The following TNNI3 variants were observed in gnomAD, a reference collection of about 807,000 sequenced individuals.
TNNI3 encodes troponin I3, cardiac type.
TNNI3 carries 23 observed loss-of-function variants against 31.5 expected under a neutral mutation model. The ratio of observed to expected loss-of-function variants is 0.73; its 90% CI spans 0.52 to 1.03. The LOEUF is 1.03. TNNI3 is among the 50% of genes least tolerant of loss of function. The pLI is 0.00. For synonymous variants in TNNI3, 120 were observed against 111.7 expected (o/e 1.07, Z -0.47); for missense variants, 236 against 282.9 (o/e 0.83, Z 1.19).
Position 55,156,256 on chromosome 19 carries a change from A to T in TNNI3, c.227T>A (p.Leu76Gln). 1 of 1,612,230 alleles carries T rather than the reference A, an allele frequency of 6.2e-7. No individual in the cohort carries two copies. Among genetic ancestry groups the T allele is most frequent in the Non-Finnish European group, 8.5e-7 (1 of 1,179,736 alleles). The change falls in exon 5 of 8, where the codon CTG becomes CAG. Residue 76 changes from leucine to glutamine, a missense_variant. Leu to Gln is a moderately radical substitution (Grantham distance 113, BLOSUM62 -2). Around this residue, in one of 4 missense-constraint regions of TNNI3, gnomAD observed 172 missense variants for 171.8 expected, o/e 1.00. Transcript: ENST00000344887. This position sits in a 1 kb window ranked among gnomAD's most constrained non-coding sequence, Gnocchi z 4.6. ...EERRGEKGRA[L>Q]STRCQPLELA... ...CTCCAGCGGCTGGCAGCGGGTGCTCAGAGCGCGCCCCTTCTCTCCGCGCCG... is the reference window on the plus strand; with the variant it reads ...CTCCAGCGGCTGGCAGCGGGTGCTCTGAGCGCGCCCCTTCTCTCCGCGCCG...
chr19:55,156,943 C>A lies in TNNI3; in HGVS notation c.108+107G>T. Reference sequence around the variant, plus strand: ...TCTGCAAAACTCCGCCCCTGAAGCCCCTCCGCGTAGTCCCCGCCCCCTTCG... The same window carrying A: ...TCTGCAAAACTCCGCCCCTGAAGCCACTCCGCGTAGTCCCCGCCCCCTTCG... On this transcript the variant is annotated intron_variant, in intron 3 of 7. Coordinates refer to ENST00000344887, the MANE Select transcript of TNNI3 (RefSeq NM_000363.5). The surrounding 1 kb of genome is among the most constrained non-coding windows in gnomAD (Gnocchi z 4.6). The A allele has an allele frequency of 7.6e-7, 1 of 1,312,724 alleles. No individual in the cohort carries two copies. 81.3% of individuals were successfully genotyped at this position (1,312,724 alleles called of 1,614,324 possible).
Position 55,157,140 on chromosome 19 carries a change from TAGG to T in TNNI3, c.25-10_25-8del, listed in dbSNP as rs2147286052. ...CAGGGCGAGGTTCCCTAGCCTGGGTTAGGAGGAGTGGGGACCCCATCACCACCA... is the reference window on the plus strand; with the variant it reads ...CAGGGCGAGGTTCCCTAGCCTGGGTTAGGAGTGGGGACCCCATCACCACCA... On this transcript the variant is annotated splice_polypyrimidine_tract_variant and splice_region_variant and intron_variant, in intron 2 of 7. Transcript: ENST00000344887. The surrounding 1 kb of genome is among the most constrained non-coding windows in gnomAD (Gnocchi z 6.3). The T allele has an allele frequency of 3.1e-6, 5 of 1,598,286 alleles. No homozygotes were observed. The highest frequency in any genetic ancestry group is 4.3e-6 in the Non-Finnish European group (5 of 1,174,272).
rs1456025490 is a variant in TNNI3 at position 55,156,984 on chromosome 19, C to G, written c.108+66G>C. ...GCCCCCTTCGCAGCCCTGGCTCCTC[C>G]CCCCACTCCCAGGGTCTTGGATCCC... is the stretch of plus-strand genomic sequence containing the variant. On this transcript the variant is annotated intron_variant, in intron 3 of 7. Transcript: ENST00000344887. The surrounding 1 kb of genome is among the most constrained non-coding windows in gnomAD (Gnocchi z 4.6). The G allele has an allele frequency of 6.6e-6, 10 of 1,511,524 alleles. No homozygotes were observed. Among genetic ancestry groups the G allele is most frequent in the Non-Finnish European group, 6.2e-6 (7 of 1,121,188 alleles). The allele number at this position is 1,511,524 out of a possible 1,614,324, so 93.6% of individuals were successfully genotyped here. A position where few individuals can be genotyped will look rare whatever the true frequency, so the allele number is the denominator to read the frequency against.
rs116624943 is a variant in TNNI3 at position 55,153,395 on chromosome 19, G to A, written c.549+635C>T. On this transcript the variant is annotated intron_variant, in intron 7 of 7. Transcript: ENST00000344887. ...CTATCTTTCCTGTCTTCTTCTTTAA[G>A]ATAGGGTCTCACTGTATTGCCCAGG... 8.0e-3 allele frequency among the ~76,000 whole-genome samples: 1,221 copies of A among 152,106 alleles called. 20 individuals carry two copies. The highest frequency in any genetic ancestry group is 0.028 in the African/African-American group (1,156 of 41,470).
chr19:55,156,959 G>A lies in TNNI3; in HGVS notation c.108+91C>T. ...CCTGAAGCCCCTCCGCGTAGTCCCC[G>A]CCCCCTTCGCAGCCCTGGCTCCTCC... On this transcript the variant is annotated intron_variant, in intron 3 of 7. Coordinates refer to ENST00000344887, the MANE Select transcript of TNNI3 (RefSeq NM_000363.5). This position sits in a 1 kb window ranked among gnomAD's most constrained non-coding sequence, Gnocchi z 4.6. The A allele has an allele frequency of 1.4e-6, 2 of 1,385,798 alleles. No individual in the cohort carries two copies. The allele number at this position is 1,385,798 out of a possible 1,614,324, so 85.8% of individuals were successfully genotyped here.
intron 7 of TNNI3, 44 bp from the exon 8 acceptor site, chr19:55,151,961 C>T (rs773963340): frequency 1.9e-6 from 3 of 1,572,496 alleles, no homozygotes; most frequent in Admixed American, 3.4e-5. Flanking sequence ...TCTTCTTGGT[C>T]TCCAGTCTCT....
In TNNI3 at chr19:55,157,296, C is replaced by T. The variant is rs746763585; in HGVS notation, c.24G>A (p.Ala8=). The change falls in exon 2 of 8, where the codon GCG becomes GCA. Residue 8 remains alanine, a splice_region_variant and synonymous_variant. Coordinates refer to ENST00000344887, the MANE Select transcript of TNNI3 (RefSeq NM_000363.5). The surrounding 1 kb of genome is among the most constrained non-coding windows in gnomAD (Gnocchi z 6.3). ...CCACGCCTTAGCCCGCTGCTCTCAC[C>T]GCATCGCTGCTCCTGGAAGGAGAGA... MADGSSD[A]AREPRPAPAP... The T allele has an allele frequency of 1.2e-6, 2 of 1,612,918 alleles. No homozygotes were observed. Among genetic ancestry groups the T allele is most frequent in the East Asian group, 2.2e-5 (1 of 44,832 alleles).
At position 55,156,281 on chromosome 19, in the gene TNNI3, G is replaced by T. The variant is rs772695512; in HGVS notation, c.202C>A (p.Arg68=). 7.4e-6 allele frequency: 12 copies of T among 1,611,084 alleles called. No individual in the cohort carries two copies. The South Asian group carries it at 1.2e-4, about 16-fold the overall frequency. ...KQELEREAEE[R]RGEKGRALST... ...AGAGCGCGCCCCTTCTCTCCGCGCC[G>T]CTCCTCCGCCTCTCGCTCCAGCTCT... is the stretch of plus-strand genomic sequence containing the variant. The change falls in exon 5 of 8, where the codon CGG becomes AGG. Residue 68 remains arginine, a synonymous_variant. Transcript: ENST00000344887. This position sits in a 1 kb window ranked among gnomAD's most constrained non-coding sequence, Gnocchi z 4.6.
rs111715315 is a variant in TNNI3, at chr19:55,152,127, C to T, written c.550-210G>A. Among the ~76,000 whole-genome samples, 2 of 152,172 alleles carry T rather than the reference C, an allele frequency of 1.3e-5. No homozygotes were observed. The highest frequency in any genetic ancestry group is 2.1e-4 in the South Asian group (1 of 4,816). ...TCATGCACTTCCTGTCCCCCTCATG[C>T]ACTTCCTGTCTTTCCCCAGCACTTC... On this transcript the variant is annotated intron_variant, in intron 7 of 7. Transcript: ENST00000344887. This position sits in a 1 kb window ranked among gnomAD's most constrained non-coding sequence, Gnocchi z 4.0.
At position 55,154,815 on chromosome 19, in the gene TNNI3, G is replaced by C. The variant is rs773216333; in HGVS notation, c.298C>G (p.Leu100Val). 1.9e-6 allele frequency: 3 copies of C among 1,614,200 alleles called. No homozygotes were observed. In the East Asian group the frequency reaches 6.7e-5, roughly 36 times the overall value. Residue 100 changes from leucine to valine, a missense_variant, in exon 6 of 8, where the codon CTC (leucine) becomes GTC (valine). Physicochemically the swap from Leu to Val is conservative, Grantham distance 32. This residue lies in a region of TNNI3 where 172 missense variants were observed against 171.8 expected (regional missense o/e 1.00). Coordinates refer to ENST00000344887, the MANE Select transcript of TNNI3 (RefSeq NM_000363.5). ...TCCACCTTGTCCACACGGGCGTGGA[G>C]CTGTCGGCACAAGTCCTGGAGGAGG... ...FAELQDLCRQ[L>V]HARVDKVDEE...
At position 55,156,494 on chromosome 19, in the gene TNNI3, G is replaced by A. The variant is rs2085731020; in HGVS notation, c.150+109C>T. ...ACTCCCCGCTAAAGCCACGCCCCGA[G>A]CGGCCAAACCCCGCCCACTTCCGCC... is the stretch of plus-strand genomic sequence containing the variant. On this transcript the variant is annotated intron_variant, in intron 4 of 7. Coordinates refer to ENST00000344887, the MANE Select transcript of TNNI3 (RefSeq NM_000363.5). The surrounding 1 kb of genome is among the most constrained non-coding windows in gnomAD (Gnocchi z 4.6). The A allele has an allele frequency of 4.6e-6, 7 of 1,508,398 alleles. No individual in the cohort carries two copies. Among genetic ancestry groups the A allele is most frequent in the Admixed American group, 2.0e-5 (1 of 50,430 alleles). The allele number at this position is 1,508,398 out of a possible 1,614,324, so 93.4% of individuals were successfully genotyped here. A position where few individuals can be genotyped will look rare whatever the true frequency, so the allele number is the denominator to read the frequency against.
Position 55,156,401 on chromosome 19 carries a change from G to A in TNNI3, c.151-69C>T, listed in dbSNP as rs1367934034. 1.9e-6 allele frequency: 3 copies of A among 1,559,498 alleles called. No homozygotes were observed. In the Admixed American group the frequency reaches 5.5e-5, roughly 29 times the overall value. Reference sequence around the variant, plus strand: ...GGATAAAGACCAGGCGTGGGGAACCGCCTCTGCCCTTCTAAACCCTCCAGT... The same window carrying A: ...GGATAAAGACCAGGCGTGGGGAACCACCTCTGCCCTTCTAAACCCTCCAGT... On this transcript the variant is annotated intron_variant, in intron 4 of 7. Coordinates refer to ENST00000344887, the MANE Select transcript of TNNI3 (RefSeq NM_000363.5). This position sits in a 1 kb window ranked among gnomAD's most constrained non-coding sequence, Gnocchi z 4.6.
Position 55,156,063 on chromosome 19 carries a change from G to C in TNNI3, c.282+138C>G, listed in dbSNP as rs548832905. On this transcript the variant is annotated intron_variant, in intron 5 of 7. Transcript: ENST00000344887. The surrounding 1 kb of genome is among the most constrained non-coding windows in gnomAD (Gnocchi z 4.6). ...CAGACCTGCACACAAAGGGTGTTAG[G>C]GGCCAGGAGTCCCACGAACCATATA... 10 of 1,313,788 alleles carry C rather than the reference G, an allele frequency of 7.6e-6. No individual in the cohort carries two copies. The highest frequency in any genetic ancestry group is 1.1e-5 in the Non-Finnish European group (10 of 924,884). The allele number at this position is 1,313,788 out of a possible 1,614,324, so 81.4% of individuals were successfully genotyped here.
intron 6 of TNNI3, chr19:55,154,468 G>A (rs1425486254): frequency 8.0e-5 from 50 of 621,176 alleles, no homozygotes; most frequent in Non-Finnish European, 2.9e-5. Flanking sequence ...GCCAGTGCCT[G>A]AGCTAATTTA....
chr19:55,156,390 C>T lies in TNNI3; in HGVS notation c.151-58G>A, dbSNP rs749828276. 7 of 1,571,718 alleles carry T rather than the reference C, an allele frequency of 4.5e-6. No homozygotes were observed. The Admixed American group carries it at 8.9e-5, about 20-fold the overall frequency. ...CCGGGGCTTCAGGATAAAGACCAGG[C>T]GTGGGGAACCGCCTCTGCCCTTCTA... On this transcript the variant is annotated intron_variant, in intron 4 of 7. Coordinates refer to ENST00000344887, the MANE Select transcript of TNNI3 (RefSeq NM_000363.5). This position sits in a 1 kb window ranked among gnomAD's most constrained non-coding sequence, Gnocchi z 4.6.
Position 55,156,767 on chromosome 19 carries a change from A to G in TNNI3, c.109-123T>C. On this transcript the variant is annotated intron_variant, in intron 3 of 7. Transcript: ENST00000344887. The surrounding 1 kb of genome is among the most constrained non-coding windows in gnomAD (Gnocchi z 4.6). ...CAGATTTGGGCCCACGTCCAACTTG[A>G]GCCCTGAGTCTACGGGAGGCCACGC... 2 of 1,156,010 alleles carry G rather than the reference A, an allele frequency of 1.7e-6. No individual in the cohort carries two copies. Among genetic ancestry groups the G allele is most frequent in the Non-Finnish European group, 2.5e-6 (2 of 787,768 alleles). The allele number at this position is 1,156,010 out of a possible 1,614,324, so 71.6% of individuals were successfully genotyped here.
rs730881091 is a variant in TNNI3 at position 55,151,871 on chromosome 19, C to T, written c.596G>A (p.Ser199Asn). Reference sequence around the variant, plus strand: ...CTTTTTCTTGCGGCCCTCCATTCCACTCAGTGCATCGATGTTCTTGCGCCA... The same window carrying T: ...CTTTTTCTTGCGGCCCTCCATTCCATTCAGTGCATCGATGTTCTTGCGCCA... ...GDWRKNIDAL[S>N]GMEGRKKKFE... The change falls in exon 8 of 8, where the codon AGT becomes AAT. Residue 199 changes from serine to asparagine, a missense_variant. Coordinates refer to ENST00000344887, the MANE Select transcript of TNNI3 (RefSeq NM_000363.5). 6.2e-7 allele frequency: 1 copy of T among 1,614,192 alleles called. No individual in the cohort carries two copies. Among genetic ancestry groups the T allele is most frequent in the Non-Finnish European group, 8.5e-7 (1 of 1,180,016 alleles).
rs2085742836 is a variant in TNNI3 at position 55,157,470 on chromosome 19, G to A, written c.11+109C>T. 1.9e-6 allele frequency: 3 copies of A among 1,577,194 alleles called. No individual in the cohort carries two copies. Among genetic ancestry groups the A allele is most frequent in the Admixed American group, 3.4e-5 (2 of 58,960 alleles). ...AAACCCACTTCCTCTCTTCACCCAAGAGTCCCTACGCCTACCTCGCAGGCC... is the reference window on the plus strand; with the variant it reads ...AAACCCACTTCCTCTCTTCACCCAAAAGTCCCTACGCCTACCTCGCAGGCC... On this transcript the variant is annotated intron_variant, in intron 1 of 7. Transcript: ENST00000344887. The surrounding 1 kb of genome is among the most constrained non-coding windows in gnomAD (Gnocchi z 6.3).
rs2085702660 is a variant in TNNI3 at position 55,152,858 on chromosome 19, G to GTC, written c.550-942_550-941insGA. ...AGTGTTGCCTGGGCTGGAGTGCAGTGGTGAGATCTCGGCTCACTGCAACCT... is the reference window on the plus strand; with the variant it reads ...AGTGTTGCCTGGGCTGGAGTGCAGTGTCGTGAGATCTCGGCTCACTGCAACCT... On this transcript the variant is annotated intron_variant, in intron 7 of 7. Transcript: ENST00000344887. The surrounding 1 kb of genome is among the most constrained non-coding windows in gnomAD (Gnocchi z 4.0). Among the ~76,000 whole-genome samples, 2 of 152,050 alleles carry GTC rather than the reference G, an allele frequency of 1.3e-5. No homozygotes were observed. The highest frequency in any genetic ancestry group is 4.8e-5 in the African/African-American group (2 of 41,388).
Sources: gnomAD v4.1 joint callset for allele counts (sites outside exome capture counted in the v4.1 genomes callset) on GRCh38, gnomAD v4.1.1 for gene constraint, gnomAD v4.1.1 regional missense constraint, Gnocchi (gnomAD v3.1) non-coding constraint, MANE v1.5 for transcripts, NCBI Gene and HGNC (gene_info 2026-07-23, HGNC 2026-07-21) for gene names.